The following FRMPD1 variants were observed in gnomAD, a reference collection of about 807,000 sequenced individuals.
The protein encoded by FRMPD1 is FERM and PDZ domain-containing protein 1.
Under a neutral mutation model 117.8 loss-of-function variants are expected in FRMPD1, and 76 were observed. The observed-to-expected ratio is 0.65, with a 90% CI of 0.54 to 0.78. The LOEUF (loss-of-function observed/expected upper bound fraction) is 0.78. Among genes scored for constraint, FRMPD1 ranks in the 30% least tolerant of loss-of-function variants. FRMPD1 has a pLI of 0.00. For missense variants in FRMPD1, 1,786 were observed against 1,964.5 expected (o/e 0.91, Z 1.72); for synonymous variants, 783 against 770.4 (o/e 1.02, Z -0.27).
At chr9:37,676,128 A>G (rs1451028752) in intron 1 of FRMPD1, among the ~76,000 whole-genome samples, 2 of 152,254 alleles carry the variant, frequency 1.3e-5, no homozygotes, top group African/African-American at 4.8e-5. Context: ...TACCCAGAGC[A>G]TAGATATGGC....
At chr9:37,626,019 C>T in the FRMPD1 span, among the ~76,000 whole-genome samples, 1 of 152,180 alleles carries the variant, frequency 6.6e-6, no homozygotes, top group Non-Finnish European at 1.5e-5. Context: ...ATGGTGAAAC[C>T]CCGTATCTAT....
intron 5 of FRMPD1, among the ~76,000 whole-genome samples, chr9:37,718,705 C>T (rs893242565): frequency 3.3e-5 from 5 of 152,204 alleles, no homozygotes; most frequent in African/African-American, 1.2e-4. Context: ...GCTTTACACA[C>T]GTACCTGGTT....
chr9:37,707,656 T>C (rs545720125), intron 3 of FRMPD1, 83 bp downstream of exon 3: 178 of 1,151,578 alleles, frequency 1.5e-4, no homozygotes, highest in Middle Eastern at 1.0e-3. Flanking sequence ...CTCTATCCTA[T>C]AACAAAATGC....
chr9:37,672,318 G>C (rs919099640), intron 1 of FRMPD1, among the ~76,000 whole-genome samples: 14 of 152,196 alleles, frequency 9.2e-5, no homozygotes, highest in African/African-American at 3.4e-4. Flanking sequence ...AACAAAAAAG[G>C]AAGAGATCCA....
At chr9:37,612,861 C>A in the FRMPD1 span, among the ~76,000 whole-genome samples, 1 of 152,122 alleles carries the variant, frequency 6.6e-6, no homozygotes, top group African/African-American at 2.4e-5. Context: ...CTACGAGAAC[C>A]TGGTCACTGT....
At chr9:37,662,741 CCTT>C (rs1306371486) in intron 1 of FRMPD1, among the ~76,000 whole-genome samples, 1 of 152,028 alleles carries the variant, frequency 6.6e-6, no homozygotes, top group Non-Finnish European at 1.5e-5. Context: ...ATGTGAGGGA[CCTT>C]CTTTCCTCTC....
the FRMPD1 span, among the ~76,000 whole-genome samples, chr9:37,623,708 G>T: frequency 2.6e-5 from 4 of 152,128 alleles, no homozygotes; most frequent in Admixed American, 2.6e-4. Flanking sequence ...TGTGCACCAA[G>T]AAGCTTAATC....
the FRMPD1 span, among the ~76,000 whole-genome samples, chr9:37,621,398 C>G: frequency 6.6e-6 from 1 of 152,070 alleles, no homozygotes; most frequent in Non-Finnish European, 1.5e-5. Flanking sequence ...CACCAAGGGT[C>G]GAAGGATAGA....
chr9:37,706,497 C>T (rs1822710749), intron 2 of FRMPD1, among the ~76,000 whole-genome samples: 1 of 152,144 alleles, frequency 6.6e-6, no homozygotes, highest in Non-Finnish European at 1.5e-5. Context: ...ACAATAAACA[C>T]CTCATCCCAT....
rs754221636 is a variant in FRMPD1 at position 37,707,589 on chromosome 9, G to T, written c.259+16G>T. On this transcript the variant is annotated intron_variant, in intron 3 of 15. Transcript: ENST00000377765. The stretch of plus-strand genomic sequence containing the variant: ...GTCACAGCAGGTAGGGGATGACTGG[G>T]AAATGAGAAAGGAGTTTGGTTTCTT... The T allele has an allele frequency of 1.2e-6, 2 of 1,608,462 alleles. No individual in the cohort carries two copies. The highest frequency in any genetic ancestry group is 1.7e-6 in the Non-Finnish European group (2 of 1,175,894).
chr9:37,719,516 C>G (rs547180940), intron 6 of FRMPD1, among the ~76,000 whole-genome samples: 7 of 152,200 alleles, frequency 4.6e-5, no homozygotes, highest in African/African-American at 1.2e-4. Flanking sequence ...TGAGGGTGAT[C>G]TATTGATAAT....
intron 2 of FRMPD1, among the ~76,000 whole-genome samples, chr9:37,695,471 CAA>C (rs1822287647): frequency 6.6e-6 from 1 of 152,078 alleles, no homozygotes; most frequent in African/African-American, 2.4e-5. Flanking sequence ...AAGAGAAAAA[CAA>C]AGAGATAAAG....
the FRMPD1 span, among the ~76,000 whole-genome samples, chr9:37,603,429 C>G: frequency 2.6e-5 from 4 of 152,074 alleles, no homozygotes; most frequent in Non-Finnish European, 5.9e-5. Flanking sequence ...GCCAAAAAAA[C>G]GAGTTAGGTC....
the FRMPD1 span, among the ~76,000 whole-genome samples, chr9:37,623,441 G>T: frequency 6.6e-6 from 1 of 152,224 alleles, no homozygotes; most frequent in Non-Finnish European, 1.5e-5. Context: ...CTTCAGGCAG[G>T]GGGCAGCCTT....
chr9:37,716,748 C>T (rs529354621), intron 5 of FRMPD1, among the ~76,000 whole-genome samples: 2 of 152,300 alleles, frequency 1.3e-5, no homozygotes, highest in East Asian at 3.9e-4. Flanking sequence ...GACAGCCCAG[C>T]TCCTTATACC....
chr9:37,646,831 A>G (rs1364780882), upstream of FRMPD1, among the ~76,000 whole-genome samples: 1 of 152,210 alleles, frequency 6.6e-6, no homozygotes, highest in African/African-American at 2.4e-5. Flanking sequence ...ATAGAAAAGC[A>G]CTATTAAGTC....
chr9:37,741,450 G>GACACACACACACACACACACACAC (rs56971939), intron 15 of FRMPD1, among the ~76,000 whole-genome samples: 20 of 135,738 alleles, frequency 1.5e-4, no homozygotes, highest in African/African-American at 5.6e-4. Context: ...ATCCTGGCAG[G>GACACACACACACACACACACACAC]ACACACACAC....
intron 4 of FRMPD1, 24 bp downstream of exon 4, chr9:37,708,525 T>C (rs1324443078): frequency 1.5e-6 from 2 of 1,291,322 alleles, no homozygotes; most frequent in African/African-American, 2.9e-5. Context: ...TTCCATCATC[T>C]ACAGAATTGC....
intron 7 of FRMPD1, among the ~76,000 whole-genome samples, chr9:37,725,049 T>A (rs1046136172): frequency 6.6e-6 from 1 of 152,110 alleles, no homozygotes; most frequent in African/African-American, 2.4e-5. Context: ...TACATATCAA[T>A]CAGAGAGTCA....
Sources: allele counts gnomAD v4.1 joint callset (sites outside exome capture counted in the v4.1 genomes callset), GRCh38; gene constraint gnomAD v4.1.1; transcripts MANE v1.5; gene names NCBI Gene and HGNC (gene_info 2026-07-23, HGNC 2026-07-21).